The following MAPKAP1 variants were observed in gnomAD, a reference collection of about 807,000 sequenced individuals.
MAPKAP1 encodes MAPK associated protein 1.
MAPKAP1 carries 20 observed loss-of-function variants against 65.7 expected under a neutral mutation model. That is an observed-to-expected ratio of 0.30 (90% CI 0.21 to 0.44). The LOEUF (loss-of-function observed/expected upper bound fraction) is 0.44. MAPKAP1 is among the 20% of genes least tolerant of loss of function. The probability of loss-of-function intolerance (pLI) is 1.00; values close to 1 mark genes in which losing one functional copy is unlikely to be tolerated. For missense variants in MAPKAP1, 423 were observed against 648.0 expected, an observed-to-expected ratio of 0.65 and a Z score of 3.77; for synonymous variants, 222 against 244.3, an observed-to-expected ratio of 0.91 and a Z score of 0.85.
intron 1 of MAPKAP1, among the ~76,000 whole-genome samples, chr9:125,693,742 T>TATATACAC (rs1564620414): frequency 1.6e-5 from 2 of 126,492 alleles, no homozygotes; most frequent in African/African-American, 8.5e-5. Flanking sequence ...TATATACACG[T>TATATACAC]ATATATACAC....
intron 1 of MAPKAP1, among the ~76,000 whole-genome samples, chr9:125,690,850 C>T (rs1835144991): frequency 6.6e-6 from 1 of 152,170 alleles, no homozygotes; most frequent in Non-Finnish European, 1.5e-5. Flanking sequence ...AGAGAGACTT[C>T]CTCAAAACAG....
intron 5 of MAPKAP1, chr9:125,573,069 T>G (rs1831285090): frequency 8.2e-6 from 1 of 122,080 alleles, no homozygotes; most frequent in Admixed American, 9.2e-5. Context: ...CCTCTGCAAC[T>G]CTTACGATTA....
chr9:125,443,972 A>G, intron 11 of MAPKAP1, among the ~76,000 whole-genome samples: 1 of 152,144 alleles, frequency 6.6e-6, no homozygotes, highest in South Asian at 2.1e-4. Flanking sequence ...GGGCAGGGAC[A>G]GAGTCTGTCA....
chr9:125,692,389 CATTAT>C (rs1835195935), intron 1 of MAPKAP1, among the ~76,000 whole-genome samples: 1 of 152,172 alleles, frequency 6.6e-6, no homozygotes, highest in South Asian at 2.1e-4. Context: ...AAAATTATTA[CATTAT>C]ATCAAAGGCC....
intron 5 of MAPKAP1, among the ~76,000 whole-genome samples, chr9:125,561,880 C>T (rs1196305924): frequency 1.3e-5 from 2 of 152,130 alleles, no homozygotes; most frequent in Non-Finnish European, 2.9e-5. Context: ...AATCCTTAAA[C>T]ACAAATTGTG....
chr9:125,654,313 T>A (rs1054563916), intron 4 of MAPKAP1, among the ~76,000 whole-genome samples: 3 of 152,178 alleles, frequency 2.0e-5, no homozygotes, highest in African/African-American at 7.2e-5. Flanking sequence ...ATTCAGAGGT[T>A]CCGTTCTCAA....
intron 6 of MAPKAP1, among the ~76,000 whole-genome samples, chr9:125,557,046 A>G (rs1402312912): frequency 6.6e-6 from 1 of 152,204 alleles, no homozygotes; most frequent in African/African-American, 2.4e-5. Context: ...TGACTGGGCT[A>G]TGTGTGTGTC....
chr9:125,700,886 T>C (rs1835575115), intron 1 of MAPKAP1, among the ~76,000 whole-genome samples: 1 of 152,250 alleles, frequency 6.6e-6, no homozygotes. Flanking sequence ...CTCACTGTGC[T>C]GGGTGTCTCT....
chr9:125,443,114 A>G (rs1226694893), intron 11 of MAPKAP1, among the ~76,000 whole-genome samples: 1 of 152,226 alleles, frequency 6.6e-6, no homozygotes, highest in Non-Finnish European at 1.5e-5. Flanking sequence ...GTGATGGGAC[A>G]CGTGGAGCCT....
intron 4 of MAPKAP1, among the ~76,000 whole-genome samples, chr9:125,610,164 T>A (rs973590761): frequency 6.6e-6 from 1 of 152,076 alleles, no homozygotes; most frequent in Admixed American, 6.5e-5. Context: ...TAAAGAGCCA[T>A]GATATGTGTA....
intron 9 of MAPKAP1, among the ~76,000 whole-genome samples, chr9:125,482,548 G>A (rs1180420807): frequency 6.6e-6 from 1 of 152,140 alleles, no homozygotes; most frequent in Non-Finnish European, 1.5e-5. Context: ...CACCACTTTA[G>A]ATATTTAAGG....
chr9:125,546,703 G>T (rs1830434775), intron 6 of MAPKAP1, among the ~76,000 whole-genome samples: 1 of 152,108 alleles, frequency 6.6e-6, no homozygotes, highest in South Asian at 2.1e-4. Flanking sequence ...CAATGGTCCT[G>T]GGGGGAGTGC....
intron 6 of MAPKAP1, among the ~76,000 whole-genome samples, chr9:125,549,900 CTA>C (rs1830537380): frequency 6.6e-6 from 1 of 152,160 alleles, no homozygotes; most frequent in Non-Finnish European, 1.5e-5. Flanking sequence ...ATTTACTACT[CTA>C]TATAACTGCA....
intron 4 of MAPKAP1, among the ~76,000 whole-genome samples, chr9:125,611,518 A>G (rs187318654): frequency 2.2e-4 from 33 of 152,320 alleles, no homozygotes; most frequent in Admixed American, 5.9e-4. Context: ...AATGTCTGAA[A>G]AGACAGTGGC....
At chr9:125,474,785 G>A (rs1468716073) in intron 9 of MAPKAP1, among the ~76,000 whole-genome samples, 1 of 152,152 alleles carries the variant, frequency 6.6e-6, no homozygotes. Context: ...ATAAGCTGTG[G>A]TTCATTCATC....
chr9:125,467,216 T>C (rs868363656), intron 10 of MAPKAP1, among the ~76,000 whole-genome samples: 1 of 152,224 alleles, frequency 6.6e-6, no homozygotes, highest in Non-Finnish European at 1.5e-5. Flanking sequence ...CAAACTCTTA[T>C]ATAGTTTAAA....
At chr9:125,674,880 C>A (rs1408195958) in intron 1 of MAPKAP1, among the ~76,000 whole-genome samples, 1 of 152,126 alleles carries the variant, frequency 6.6e-6, no homozygotes, top group East Asian at 1.9e-4. Context: ...TCTCCTAATA[C>A]CATGGGATTC....
At chr9:125,442,343 G>A (rs1240070074) in intron 11 of MAPKAP1, among the ~76,000 whole-genome samples, 1 of 152,092 alleles carries the variant, frequency 6.6e-6, no homozygotes, top group Non-Finnish European at 1.5e-5. Context: ...TTGCAGAGAA[G>A]CATCTGCTTC....
At chr9:125,539,825 G>A (rs748160863) in intron 7 of MAPKAP1, among the ~76,000 whole-genome samples, 7 of 152,034 alleles carry the variant, frequency 4.6e-5, no homozygotes, top group Non-Finnish European at 8.8e-5. Context: ...TGCCAATGCA[G>A]GTACATTCCA....
Sources: allele counts gnomAD v4.1 joint callset (sites outside exome capture counted in the v4.1 genomes callset), GRCh38; gene constraint gnomAD v4.1.1; transcripts MANE v1.5; gene names NCBI Gene and HGNC (gene_info 2026-07-23, HGNC 2026-07-21).